Variants in PSMB7 observed in about 807,000 individuals in gnomAD.
PSMB7 encodes proteasome subunit beta type-7.
PSMB7 carries 5 observed loss-of-function variants against 28.1 expected under a neutral mutation model. The ratio of observed to expected loss-of-function variants is 0.18; its 90% CI spans 0.09 to 0.37. PSMB7 has a LOEUF of 0.37. Ranked by LOEUF, PSMB7 falls within the 10% of genes least tolerant of loss-of-function variation. The pLI, the probability that PSMB7 is intolerant of heterozygous loss-of-function variation, is 1.00. For synonymous variants in PSMB7, 122 were observed against 123.7 expected (o/e 0.99, Z 0.09); for missense variants, 275 against 346.2 (o/e 0.79, Z 1.63).
At chr9:124,415,307 C>T in intron 1 of PSMB7, 57 bp downstream of exon 1, 3 of 1,557,276 alleles carry the variant, frequency 1.9e-6, no homozygotes, top group Non-Finnish European at 2.7e-6. Flanking sequence ...GGCCCAGCTC[C>T]CACCCGAGCA....
At position 124,356,842 on chromosome 9, in the gene PSMB7, T is replaced by C. The variant is rs1332374270; in HGVS notation, c.644A>G (p.Asn215Ser). The change falls in exon 7 of 8, where the codon AAC (asparagine) becomes AGC (serine). Residue 215 changes from asparagine to serine, a missense_variant. Asn to Ser is a conservative substitution (Grantham distance 46). Transcript: ENST00000259457. This position sits in a 1 kb window ranked among gnomAD's most constrained non-coding sequence, Gnocchi z 4.4. ...GIFNDLGSGS[N>S]IDLCVISKNK... ...CTTGCTGATGACGCAGAGGTCAATG[T>C]TGCTTCCGGAGCCCAGGTCGTTGAA... 6.2e-7 allele frequency: 1 copy of C among 1,614,094 alleles called. No homozygotes were observed. The highest frequency in any genetic ancestry group is 1.3e-5 in the African/African-American group (1 of 74,946).
chr9:124,381,084 G>A (rs887204333), intron 6 of PSMB7, among the ~76,000 whole-genome samples: 2 of 152,140 alleles, frequency 1.3e-5, no homozygotes, highest in East Asian at 1.9e-4. Flanking sequence ...CCTGGTGTGC[G>A]TTTTCCACTT....
Position 124,359,778 on chromosome 9 carries a change from G to A in PSMB7, c.571-2863C>T, listed in dbSNP as rs577468267. On this transcript the variant is annotated intron_variant, in intron 6 of 7. Coordinates refer to ENST00000259457, the MANE Select transcript of PSMB7 (RefSeq NM_002799.4). ...TCCTCTGATGGTCACTCCCATTGGGGGTTGGAGGGCAGTGTTTCCCAAAAT... is the reference window on the plus strand; with the variant it reads ...TCCTCTGATGGTCACTCCCATTGGGAGTTGGAGGGCAGTGTTTCCCAAAAT... Among the ~76,000 whole-genome samples, 215 of 152,288 alleles carry A rather than the reference G, an allele frequency of 1.4e-3. 1 individual carries two copies. Among genetic ancestry groups the A allele is most frequent in the African/African-American group, 5.0e-3 (207 of 41,562 alleles).
At chr9:124,365,687 C>T (rs548442840) in intron 6 of PSMB7, among the ~76,000 whole-genome samples, 6 of 152,306 alleles carry the variant, frequency 3.9e-5, no homozygotes, top group African/African-American at 1.4e-4. Flanking sequence ...GACCCTGTAA[C>T]GCTGGGAGTC....
chr9:124,374,646 G>A (rs1254014484), intron 6 of PSMB7, among the ~76,000 whole-genome samples: 3 of 152,258 alleles, frequency 2.0e-5, no homozygotes, highest in Non-Finnish European at 4.4e-5. Context: ...ACAGCATAGT[G>A]AGACCGCTTA....
chr9:124,404,722 G>A lies in PSMB7; in HGVS notation c.511+595C>T, dbSNP rs557832663. Among the ~76,000 whole-genome samples, 4 of 152,220 alleles carry A rather than the reference G, an allele frequency of 2.6e-5. No individual in the cohort carries two copies. In the South Asian group the frequency reaches 8.3e-4, roughly 32 times the overall value. On this transcript the variant is annotated intron_variant, in intron 5 of 7. Coordinates refer to ENST00000259457, the MANE Select transcript of PSMB7 (RefSeq NM_002799.4). The stretch of plus-strand genomic sequence containing the variant: ...CAAAAAATTAGCCGGGCATGGTGGC[G>A]TGTGCCTATCACTCCAGCTACTTGG...
At chr9:124,404,710 G>A (rs554544858) in intron 5 of PSMB7, among the ~76,000 whole-genome samples, 12 of 152,004 alleles carry the variant, frequency 7.9e-5, no homozygotes, top group Non-Finnish European at 1.6e-4. Context: ...AAAATTAGCC[G>A]GGCATGGTGG....
chr9:124,398,480 T>C (rs764951172), intron 5 of PSMB7: 2 of 365,718 alleles, frequency 5.5e-6, no homozygotes, highest in South Asian at 2.2e-5. Context: ...GGACTTGGAT[T>C]GGAAAGAAAC....
At chr9:124,368,371 A>C (rs2131148925) in intron 6 of PSMB7, among the ~76,000 whole-genome samples, 1 of 152,374 alleles carries the variant, frequency 6.6e-6, no homozygotes, top group South Asian at 2.1e-4. Context: ...AGTTGCAAAT[A>C]TATTGCTTAA....
intron 6 of PSMB7, among the ~76,000 whole-genome samples, chr9:124,362,091 T>C (rs562722737): frequency 6.6e-6 from 1 of 152,346 alleles, no homozygotes; most frequent in South Asian, 2.1e-4. Flanking sequence ...AAATATTAAA[T>C]ATGCACTTGA....
chr9:124,401,803 G>A (rs866528600), intron 5 of PSMB7, among the ~76,000 whole-genome samples: 2 of 152,074 alleles, frequency 1.3e-5, no homozygotes, highest in South Asian at 4.1e-4. Flanking sequence ...GGCAGATCAC[G>A]AGGTCAGGAG....
chr9:124,385,803 A>G (rs954852767), intron 5 of PSMB7, among the ~76,000 whole-genome samples: 1 of 152,226 alleles, frequency 6.6e-6, no homozygotes, highest in Non-Finnish European at 1.5e-5. Flanking sequence ...CTGAATGTAT[A>G]ATGAAAAAGG....
chr9:124,391,365 T>C (rs765557130), intron 5 of PSMB7, among the ~76,000 whole-genome samples: 1 of 152,234 alleles, frequency 6.6e-6, no homozygotes, highest in Non-Finnish European at 1.5e-5. Flanking sequence ...CAAAGCCAAA[T>C]GCTTGAAATC....
Position 124,353,551 on chromosome 9 carries a change from A to G in PSMB7, c.*47T>C. 1 of 1,374,760 alleles carries G rather than the reference A, an allele frequency of 7.3e-7. No homozygotes were observed. The highest frequency in any genetic ancestry group is 1.0e-6 in the Non-Finnish European group (1 of 963,856). The allele number at this position is 1,374,760 out of a possible 1,614,324, so 85.2% of individuals were successfully genotyped here. A position where few individuals can be genotyped will look rare whatever the true frequency, so the allele number is the denominator to read the frequency against. On this transcript the variant is annotated 3_prime_UTR_variant, in exon 8 of 8. Transcript: ENST00000259457. ...CACATGAGTGTCTTACTGGGCCTCA[A>G]TGCTCACCACCTTCCAGAACCGCGG... is the stretch of plus-strand genomic sequence containing the variant.
At chr9:124,397,745 A>G (rs977231781) in intron 5 of PSMB7, among the ~76,000 whole-genome samples, 1 of 152,266 alleles carries the variant, frequency 6.6e-6, no homozygotes, top group African/African-American at 2.4e-5. Context: ...TTAAGCTACA[A>G]TTACAGAAAG....
chr9:124,354,381 G>C (rs564337238), intron 7 of PSMB7, among the ~76,000 whole-genome samples: 1 of 152,342 alleles, frequency 6.6e-6, no homozygotes, highest in Admixed American at 6.5e-5. Context: ...CAGTGGGTCA[G>C]GAATTAGGAT....
chr9:124,383,834 C>T (rs761212127), intron 6 of PSMB7: 19 of 152,112 alleles, frequency 1.2e-4, no homozygotes, highest in African/African-American at 4.8e-5. Context: ...GCTTATGTGC[C>T]GAATGCTGGT....
At chr9:124,378,338 G>A (rs901892404) in intron 6 of PSMB7, among the ~76,000 whole-genome samples, 1 of 152,160 alleles carries the variant, frequency 6.6e-6, no homozygotes, top group African/African-American at 2.4e-5. Flanking sequence ...CGATGTGTTT[G>A]GTGACCAACT....
intron 6 of PSMB7, among the ~76,000 whole-genome samples, chr9:124,365,743 T>C (rs1026793441): frequency 6.6e-6 from 1 of 151,730 alleles, no homozygotes; most frequent in African/African-American, 2.4e-5. Flanking sequence ...TAGTGAGACC[T>C]TGTCTCTATA....
Sources: gnomAD v4.1 joint callset for allele counts (sites outside exome capture counted in the v4.1 genomes callset) on GRCh38, gnomAD v4.1.1 for gene constraint, Gnocchi (gnomAD v3.1) non-coding constraint, MANE v1.5 for transcripts, NCBI Gene and HGNC (gene_info 2026-07-23, HGNC 2026-07-21) for gene names.